The following SLC8A1 variants were observed in gnomAD, a reference collection of about 807,000 sequenced individuals.
SLC8A1 encodes sodium/calcium exchanger 1.
In SLC8A1, 18 loss-of-function variants were observed where a neutral mutation model predicts 68.3. The observed-to-expected ratio is 0.26, with a 90% CI of 0.18 to 0.39. SLC8A1 has a LOEUF of 0.39. Among genes scored for constraint, SLC8A1 ranks in the 10% least tolerant of loss-of-function variants. The pLI, the probability that SLC8A1 is intolerant of heterozygous loss-of-function variation, is 1.00. For synonymous variants in SLC8A1, 475 were observed against 415.5 expected, an observed-to-expected ratio of 1.14 and a Z score of -1.74; for missense variants, 985 against 1,156.7, an observed-to-expected ratio of 0.85 and a Z score of 2.15.
chr2:40,186,878 T>A (rs1216296507), intron 2 of SLC8A1, among the ~76,000 whole-genome samples: 3 of 152,354 alleles, frequency 2.0e-5, no homozygotes, highest in African/African-American at 7.2e-5. Context: ...ATTTATCAAA[T>A]ATGGATAATG....
intron 2 of SLC8A1, chr2:40,178,420 C>T (rs781291094): frequency 5.0e-6 from 8 of 1,613,986 alleles, no homozygotes; most frequent in Non-Finnish European, 6.8e-6. Flanking sequence ...AGGCGGGGCT[C>T]TCCAATCTCA....
intron 2 of SLC8A1, among the ~76,000 whole-genome samples, chr2:40,277,349 G>C (rs2066852570): frequency 6.6e-6 from 1 of 152,044 alleles, no homozygotes; most frequent in African/African-American, 2.4e-5. Context: ...AGACCAGCCT[G>C]GCCAACCTGG....
At chr2:40,322,305 C>A (rs1362388727) in intron 2 of SLC8A1, among the ~76,000 whole-genome samples, 2 of 151,826 alleles carry the variant, frequency 1.3e-5, no homozygotes, top group Admixed American at 1.3e-4. Context: ...ATCTTCAACT[C>A]AGTAGGTAAT....
intron 7 of SLC8A1, among the ~76,000 whole-genome samples, chr2:40,125,636 C>G (rs2037918359): frequency 6.6e-6 from 1 of 152,070 alleles, no homozygotes. Flanking sequence ...TTCACTTAAC[C>G]TGACAAATAC....
intron 2 of SLC8A1, among the ~76,000 whole-genome samples, chr2:40,361,208 A>C (rs1337664790): frequency 6.6e-6 from 1 of 152,144 alleles, no homozygotes; most frequent in Non-Finnish European, 1.5e-5. Flanking sequence ...GATACTCTCT[A>C]AGCACACTAG....
intron 2 of SLC8A1, among the ~76,000 whole-genome samples, chr2:40,360,291 C>T (rs1674202764): frequency 6.6e-6 from 1 of 152,138 alleles, no homozygotes; most frequent in African/African-American, 2.4e-5. Flanking sequence ...AAGTGCCAAC[C>T]TTGCTTATCT....
chr2:40,196,127 T>G (rs1459898508), intron 2 of SLC8A1, among the ~76,000 whole-genome samples: 2 of 151,856 alleles, frequency 1.3e-5, no homozygotes, highest in Non-Finnish European at 1.5e-5. Flanking sequence ...CAGTTTGGGC[T>G]GAGAGGAGGC....
rs538051702 is a variant in SLC8A1 at position 40,369,589 on chromosome 2, T to C, written c.1808+58884A>G. Among the ~76,000 whole-genome samples, 15 of 152,254 alleles carry C rather than the reference T, an allele frequency of 9.9e-5. No individual in the cohort carries two copies. In the East Asian group the frequency reaches 2.3e-3, roughly 24 times the overall value. ...ATCTTAGTTGTTTAAATAATGCTTA[T>C]TGGGTTGTGGATTAGCCAGCTCTAA... On this transcript the variant is annotated intron_variant, in intron 2 of 7. Coordinates refer to ENST00000406785, the Ensembl canonical transcript of SLC8A1.
At chr2:40,344,120 G>C (rs1476694156) in intron 2 of SLC8A1, among the ~76,000 whole-genome samples, 3 of 152,144 alleles carry the variant, frequency 2.0e-5, no homozygotes, top group Non-Finnish European at 4.4e-5. Context: ...AGGCCATAGA[G>C]AAGTCATTTT....
intron 2 of SLC8A1, among the ~76,000 whole-genome samples, chr2:40,301,611 G>A (rs1054936128): frequency 1.3e-5 from 2 of 152,198 alleles, no homozygotes; most frequent in Non-Finnish European, 2.9e-5. Flanking sequence ...GGAGGGAAGT[G>A]AGGGATAAAA....
chr2:40,431,383 A>T (rs1360387324), intron 1 of SLC8A1, among the ~76,000 whole-genome samples: 1 of 152,048 alleles, frequency 6.6e-6, no homozygotes, highest in Non-Finnish European at 1.5e-5. Context: ...AGTGACCACA[A>T]AATATACACA....
chr2:40,161,501 C>T (rs564439790), intron 5 of SLC8A1, among the ~76,000 whole-genome samples: 3 of 152,164 alleles, frequency 2.0e-5, no homozygotes, highest in Non-Finnish European at 2.9e-5. Context: ...GTTTAGGGCA[C>T]GTTGCAGTTT....
At chr2:40,276,994 T>C (rs1392259545) in intron 2 of SLC8A1, among the ~76,000 whole-genome samples, 1 of 151,884 alleles carries the variant, frequency 6.6e-6, no homozygotes, top group Admixed American at 6.6e-5. Flanking sequence ...ATTCTATGTA[T>C]CAGCCTAAAG....
At chr2:40,357,894 C>G (rs778676472) in intron 2 of SLC8A1, among the ~76,000 whole-genome samples, 5 of 152,000 alleles carry the variant, frequency 3.3e-5, no homozygotes, top group Non-Finnish European at 5.9e-5. Context: ...GAGACGTAAG[C>G]TGCTAGGAAG....
intron 1 of SLC8A1, among the ~76,000 whole-genome samples, chr2:40,499,105 T>G (rs1310051543): frequency 2.0e-5 from 3 of 151,952 alleles, no homozygotes; most frequent in Non-Finnish European, 4.4e-5. Context: ...CTGTGGAGAC[T>G]TCAAAGAGTG....
At chr2:40,468,214 A>G (rs1199600872) in intron 1 of SLC8A1, among the ~76,000 whole-genome samples, 3 of 152,182 alleles carry the variant, frequency 2.0e-5, no homozygotes, top group African/African-American at 7.2e-5. Flanking sequence ...TGTACAAAGT[A>G]TACTCATTCA....
intron 2 of SLC8A1, among the ~76,000 whole-genome samples, chr2:40,367,134 T>A (rs183999999): frequency 6.6e-6 from 1 of 151,998 alleles, no homozygotes. Flanking sequence ...GCCCCCAACC[T>A]GCCAGTGTGC....
At chr2:40,309,554 T>G (rs1213540878) in intron 2 of SLC8A1, among the ~76,000 whole-genome samples, 1 of 147,572 alleles carries the variant, frequency 6.8e-6, no homozygotes, top group Non-Finnish European at 1.5e-5. Context: ...TTGCCCAGGC[T>G]GGAGTGCAAT....
intron 1 of SLC8A1, among the ~76,000 whole-genome samples, chr2:40,496,247 GC>G (rs1705693189): frequency 6.6e-6 from 1 of 152,114 alleles, no homozygotes; most frequent in Admixed American, 6.6e-5. Context: ...TGGCATGTCT[GC>G]CCGTGCACAC....
Sources: allele counts gnomAD v4.1 joint callset (sites outside exome capture counted in the v4.1 genomes callset), GRCh38; gene constraint gnomAD v4.1.1; transcripts MANE v1.5; gene names NCBI Gene and HGNC (gene_info 2026-07-23, HGNC 2026-07-21).